The following C8A variants were observed in gnomAD, a reference collection of about 807,000 sequenced individuals.
The protein encoded by C8A is complement component C8 alpha chain.
C8A carries 67 observed loss-of-function variants against 65.3 expected under a neutral mutation model. The observed-to-expected ratio is 1.03, with a 90% confidence interval of 0.84 to 1.26. C8A has a LOEUF of 1.26. C8A is among the 50% of genes most tolerant of loss of function. C8A has a pLI of 0.00. For synonymous variants in C8A, 290 were observed against 259.4 expected (o/e 1.12, Z -1.13); for missense variants, 781 against 723.9 (o/e 1.08, Z -0.90).
chr1:56,882,293 C>G (rs75661113), intron 5 of C8A, among the ~76,000 whole-genome samples: 4,120 of 152,248 alleles, frequency 0.027, 81 homozygotes, highest in Non-Finnish European at 0.039. Context: ...AACATCCACA[C>G]AGCGAACATC....
intron 1 of C8A, among the ~76,000 whole-genome samples, chr1:56,858,564 A>G (rs918560750): frequency 2.0e-5 from 3 of 152,234 alleles, no homozygotes; most frequent in Admixed American, 2.0e-4. Flanking sequence ...AGAAGTTTCA[A>G]TCATGATGTC....
intron 9 of C8A, among the ~76,000 whole-genome samples, chr1:56,910,236 G>A (rs890868686): frequency 5.3e-5 from 8 of 152,232 alleles, no homozygotes; most frequent in South Asian, 2.1e-4. Context: ...GCTATGTTAC[G>A]TTTGTGTTAT....
intron 1 of C8A, among the ~76,000 whole-genome samples, chr1:56,864,871 A>G (rs1644069661): frequency 6.6e-6 from 1 of 152,206 alleles, no homozygotes; most frequent in Admixed American, 6.5e-5. Context: ...TTCTCATAAT[A>G]ATGGTAAGAC....
At chr1:56,909,289 T>A (rs898526299) in intron 9 of C8A, among the ~76,000 whole-genome samples, 1 of 152,244 alleles carries the variant, frequency 6.6e-6, no homozygotes, top group Non-Finnish European at 1.5e-5. Flanking sequence ...CCTATTTTTC[T>A]ACATATATTT....
At chr1:56,901,394 C>T (rs1644425210) in intron 7 of C8A, among the ~76,000 whole-genome samples, 1 of 152,152 alleles carries the variant, frequency 6.6e-6, no homozygotes, top group Non-Finnish European at 1.5e-5. Context: ...ATCAAGCTGC[C>T]TGGTTCTGCC....
intron 9 of C8A, among the ~76,000 whole-genome samples, chr1:56,911,823 C>T (rs1375775048): frequency 6.6e-6 from 1 of 152,040 alleles, no homozygotes; most frequent in East Asian, 1.9e-4. Flanking sequence ...AACAACACTA[C>T]CTGTCAAGGA....
rs149021547 is a variant in C8A, at chr1:56,897,127, T to C, written c.1097-9540T>C. The stretch of plus-strand genomic sequence containing the variant: ...CCTTTCTAAGAACATCAAACTGTTG[T>C]GATAGCTTTGAAAGTGAGTAAATTG... On this transcript the variant is annotated intron_variant, in intron 7 of 10. Coordinates refer to ENST00000361249, the MANE Select transcript of C8A (RefSeq NM_000562.3). 1.7e-4 allele frequency among the ~76,000 whole-genome samples: 26 copies of C among 152,340 alleles called. No homozygotes were observed. In the East Asian group the frequency reaches 1.7e-3, roughly 10 times the overall value.
At chr1:56,896,483 C>T (rs1247485710) in intron 7 of C8A, among the ~76,000 whole-genome samples, 2 of 152,132 alleles carry the variant, frequency 1.3e-5, no homozygotes, top group Non-Finnish European at 2.9e-5. Flanking sequence ...GCCAATGTTC[C>T]AGGTTGAAGA....
At chr1:56,878,014 C>G (rs964980652) in intron 4 of C8A, among the ~76,000 whole-genome samples, 5 of 152,184 alleles carry the variant, frequency 3.3e-5, no homozygotes, top group African/African-American at 7.2e-5. Context: ...CAGAAATTTA[C>G]TTTCTCACAA....
At chr1:56,864,618 A>T (rs1403291864) in intron 1 of C8A, among the ~76,000 whole-genome samples, 1 of 152,162 alleles carries the variant, frequency 6.6e-6, no homozygotes, top group African/African-American at 2.4e-5. Context: ...AGATAAGGAA[A>T]AGGAGCAACC....
At chr1:56,876,849 T>G (rs1369072663) in intron 4 of C8A, among the ~76,000 whole-genome samples, 1 of 152,164 alleles carries the variant, frequency 6.6e-6, no homozygotes, top group African/African-American at 2.4e-5. Flanking sequence ...TCCTGGAATA[T>G]TCTTTCCCGA....
chr1:56,905,366 A>G (rs1194301938), intron 7 of C8A, among the ~76,000 whole-genome samples: 1 of 152,234 alleles, frequency 6.6e-6, no homozygotes, highest in African/African-American at 2.4e-5. Context: ...AGTGACTGGA[A>G]TTTGAATTTA....
At chr1:56,877,583 T>G (rs594105) in intron 4 of C8A, among the ~76,000 whole-genome samples, 49,474 of 152,064 alleles carry the variant, frequency 0.33, 8,677 homozygotes, top group South Asian at 0.5. Flanking sequence ...GTCTCCTAAC[T>G]TGAATAAACT....
intron 7 of C8A, among the ~76,000 whole-genome samples, chr1:56,899,626 T>C (rs1033326845): frequency 2.6e-5 from 4 of 152,152 alleles, no homozygotes; most frequent in Non-Finnish European, 4.4e-5. Flanking sequence ...ACTGCAGAAA[T>C]GCCCATTAAG....
chr1:56,912,368 C>T, intron 9 of C8A, 35 bp from the exon 10 acceptor site: 1 of 1,601,424 alleles, frequency 6.2e-7, no homozygotes, highest in Non-Finnish European at 8.6e-7. Flanking sequence ...AGATAGAGCC[C>T]AGGGAGGGGC....
At chr1:56,877,314 A>G (rs1644207777) in intron 4 of C8A, among the ~76,000 whole-genome samples, 1 of 152,084 alleles carries the variant, frequency 6.6e-6, no homozygotes, top group Non-Finnish European at 1.5e-5. Context: ...TCCCCTAGGT[A>G]GTCTTTGTAA....
intron 9 of C8A, 114 bp from the exon 10 acceptor site, chr1:56,912,289 T>C: frequency 1.1e-6 from 1 of 886,370 alleles, no homozygotes; most frequent in East Asian, 2.6e-5. Context: ...ATTGGGTGTC[T>C]GTGTCTGTGC....
chr1:56,898,785 G>C (rs1030621397), intron 7 of C8A, among the ~76,000 whole-genome samples: 1 of 152,082 alleles, frequency 6.6e-6, no homozygotes. Context: ...TTTCTAGCTG[G>C]GGTGGTTCCA....
chr1:56,917,875 G>A lies in C8A; in HGVS notation c.*159G>A, dbSNP rs1202205519. On this transcript the variant is annotated 3_prime_UTR_variant, in exon 11 of 11. Coordinates refer to ENST00000361249, the MANE Select transcript of C8A (RefSeq NM_000562.3). Reference sequence around the variant, plus strand: ...CTAAGACTAGGTTTTGCTGTCTACAGCCAACTATTCTATTAGTTACAAAAC... The same window carrying A: ...CTAAGACTAGGTTTTGCTGTCTACAACCAACTATTCTATTAGTTACAAAAC... 3.9e-6 allele frequency: 3 copies of A among 775,096 alleles called. No homozygotes were observed. The highest frequency in any genetic ancestry group is 6.3e-6 in the Non-Finnish European group (3 of 477,110). The allele number at this position is 775,096 out of a possible 1,614,324, so 48.0% of individuals were successfully genotyped here.
Sources: allele counts gnomAD v4.1 joint callset (sites outside exome capture counted in the v4.1 genomes callset), GRCh38; gene constraint gnomAD v4.1.1; transcripts MANE v1.5; gene names NCBI Gene and HGNC (gene_info 2026-07-23, HGNC 2026-07-21).